Variants in CLUH observed in about 807,000 individuals in gnomAD.
CLUH encodes the protein CLUH binding protein of NUMT mRNA.
A neutral mutation model predicts 139.3 loss-of-function variants in CLUH; 77 were observed. The observed-to-expected ratio is 0.55, with a 90% CI of 0.46 to 0.67. The LOEUF is 0.67. CLUH is among the 30% of genes least tolerant of loss of function. The probability of loss-of-function intolerance (pLI) is 0.00; values close to 1 mark genes in which losing one functional copy is unlikely to be tolerated. For missense variants in CLUH, 1,876 were observed against 1,875.8 expected (o/e 1.00, Z 0.00); for synonymous variants, 999 against 801.6 (o/e 1.25, Z -4.16).
chr17:2,701,700 G>A lies in CLUH; in HGVS notation c.657C>T (p.Pro219=). ...TGTACTCGGGTGGTGTGCAGTCGATGGGGTCCATCTCCAAGCCCTTCTTCC... is the reference window on the plus strand; with the variant it reads ...TGTACTCGGGTGGTGTGCAGTCGATAGGGTCCATCTCCAAGCCCTTCTTCC... ...GKRKKGLEMD[P]IDCTPPEYIL... is the part of the protein sequence containing the mutation. The change falls in exon 5 of 26, where the codon CCC becomes CCT. Residue 219 remains proline, a synonymous_variant. Coordinates refer to ENST00000651024, the MANE Select transcript of CLUH (RefSeq NM_001366661.1). 2 of 1,587,716 alleles carry A rather than the reference G, an allele frequency of 1.3e-6. No homozygotes were observed. Among genetic ancestry groups the A allele is most frequent in the Non-Finnish European group, 1.7e-6 (2 of 1,167,074 alleles).
At chr17:2,691,522 C>A in intron 25 of CLUH, 87 bp downstream of exon 25, 1 of 1,359,500 alleles carries the variant, frequency 7.4e-7, no homozygotes, top group South Asian at 1.2e-5. Context: ...GATGGCGCCG[C>A]CGCACTCCAG....
chr17:2,692,229 C>T, intron 22 of CLUH, 132 bp from the exon 23 acceptor site: 1 of 1,444,354 alleles, frequency 6.9e-7, no homozygotes, highest in Non-Finnish European at 9.3e-7. Flanking sequence ...GTCCAGGGCT[C>T]AGGGAAGAGG....
chr17:2,707,559 G>T lies in CLUH; in HGVS notation c.101-2995C>A. ...GTCACTGCCGGCAAAGCCGCTAGGG[G>T]GATCGGAGAACCCAGAATTTGGGGT... On this transcript the variant is annotated intron_variant, in intron 1 of 25. Transcript: ENST00000651024. This position sits in a 1 kb window ranked among gnomAD's most constrained non-coding sequence, Gnocchi z 7.4. 1 of 985,408 alleles carries T rather than the reference G, an allele frequency of 1.0e-6. No individual in the cohort carries two copies. Among genetic ancestry groups the T allele is most frequent in the Middle Eastern group, 5.2e-4 (1 of 1,914 alleles). The allele number at this position is 985,408 out of a possible 1,614,324, so 61.0% of individuals were successfully genotyped here. A position where few individuals can be genotyped will look rare whatever the true frequency, so the allele number is the denominator to read the frequency against.
Position 2,698,030 on chromosome 17 carries a change from G to C in CLUH, c.1827C>G (p.Pro609=), listed in dbSNP as rs1197093270. 1 of 1,605,488 alleles carries C rather than the reference G, an allele frequency of 6.2e-7. No individual in the cohort carries two copies. Among genetic ancestry groups the C allele is most frequent in the East Asian group, 2.2e-5 (1 of 44,780 alleles). The part of the protein sequence containing the change: ...HYILDLLRTF[P]PDLNFLPVPG... The stretch of plus-strand genomic sequence containing the variant: ...GCACGGGCAGGAAGTTGAGGTCCGG[G>C]GGGAAGGTGCGCAGCAGGTCGAGGA... Residue 609 remains proline, a synonymous_variant, in exon 10 of 26, where the codon CCC becomes CCG. Transcript: ENST00000651024.
Position 2,700,523 on chromosome 17 carries a change from A to C in CLUH, c.1174-49T>G, listed in dbSNP as rs1462745226. On this transcript the variant is annotated intron_variant, in intron 8 of 25. Coordinates refer to ENST00000651024, the MANE Select transcript of CLUH (RefSeq NM_001366661.1). ...AAACGAGCTCAGCCTGTGCCCTGTG[A>C]CCTGCTCCCGGAAGTCGCTCCTTCT... is the stretch of plus-strand genomic sequence containing the variant. The C allele has an allele frequency of 7.0e-6, 11 of 1,581,498 alleles. No individual in the cohort carries two copies. In the Admixed American group the frequency reaches 1.6e-4, roughly 23 times the overall value.
In CLUH at chr17:2,690,634, G is replaced by C. The variant is rs1025464727; in HGVS notation, c.4007C>G (p.Pro1336Arg). The C allele has an allele frequency of 1.3e-6, 2 of 1,509,514 alleles. No individual in the cohort carries two copies. Among genetic ancestry groups the C allele is most frequent in the African/African-American group, 2.9e-5 (2 of 68,860 alleles). 93.5% of individuals were successfully genotyped at this position (1,509,514 alleles called of 1,614,324 possible). A position where few individuals can be genotyped will look rare whatever the true frequency, so the allele number is the denominator to read the frequency against. The change falls in exon 26 of 26, where the codon CCC (proline) becomes CGC (arginine). Residue 1336 changes from proline (P) to arginine (R), a missense_variant. By Grantham distance (103) the Pro-to-Arg change is moderately radical. Around this residue, in one of 3 missense-constraint regions of CLUH, gnomAD observed 1,454 missense variants for 1,384.4 expected, o/e 1.05. Transcript: ENST00000651024. ...CGGAGAAGGGTCCTTGGCAGCCGGG[G>C]GCTGGGAGCCCAGGTCTCCTGGGGC... Reference protein sequence around the residue: ...AGAPGDLGSQPPAAKDPSPSV... With the variant: ...AGAPGDLGSQRPAAKDPSPSV...
At position 2,702,705 on chromosome 17, in the gene CLUH, T is replaced by C. The variant is rs528001693; in HGVS notation, c.475+613A>G. Among the ~76,000 whole-genome samples, 14 of 152,256 alleles carry C rather than the reference T, an allele frequency of 9.2e-5. No homozygotes were observed. The South Asian group carries it at 2.3e-3, about 25-fold the overall frequency. On this transcript the variant is annotated intron_variant, in intron 3 of 25. Coordinates refer to ENST00000651024, the MANE Select transcript of CLUH (RefSeq NM_001366661.1). ...CTCCCCGTGCCCGACCTCCCCACTC[T>C]AGGGCTAGGAAACGTTTGGGACTTC...
intron 1 of CLUH, among the ~76,000 whole-genome samples, chr17:2,709,389 G>A (rs953150843): frequency 7.2e-5 from 11 of 152,152 alleles, no homozygotes; most frequent in African/African-American, 2.7e-4. Flanking sequence ...GTCCCACCCA[G>A]GCCAGAGGCA....
chr17:2,710,819 T>G (rs1168497291), intron 1 of CLUH, among the ~76,000 whole-genome samples: 1 of 152,144 alleles, frequency 6.6e-6, no homozygotes, highest in African/African-American at 2.4e-5. Flanking sequence ...AAACAGCAAC[T>G]CTGGTCTGAC....
At position 2,690,630 on chromosome 17, in the gene CLUH, C is replaced by T. The variant is rs757507562; in HGVS notation, c.4011G>A (p.Pro1337=). The change falls in exon 26 of 26, where the codon CCG becomes CCA. Residue 1337 remains proline, a synonymous_variant. Transcript: ENST00000651024. ...GAPGDLGSQP[P]AAKDPSPSVQ... ...CGCTCGGAGAAGGGTCCTTGGCAGC[C>T]GGGGGCTGGGAGCCCAGGTCTCCTG... The T allele has an allele frequency of 1.1e-4, 166 of 1,506,930 alleles. No homozygotes were observed. Among genetic ancestry groups the T allele is most frequent in the Non-Finnish European group, 1.4e-4 (161 of 1,134,280 alleles). 93.3% of individuals were successfully genotyped at this position (1,506,930 alleles called of 1,614,324 possible).
chr17:2,690,887 G>A (rs1298250508), intron 25 of CLUH, 110 bp from the exon 26 acceptor site: 4 of 844,634 alleles, frequency 4.7e-6, no homozygotes, highest in African/African-American at 3.5e-5. Flanking sequence ...TATTCAGTGG[G>A]GAATGTGTGT....
In CLUH at chr17:2,698,370, G is replaced by A. The variant is rs200119825; in HGVS notation, c.1487C>T (p.Thr496Met). 5.8e-5 allele frequency: 93 copies of A among 1,613,086 alleles called. No homozygotes were observed. Among genetic ancestry groups the A allele is most frequent in the Non-Finnish European group, 6.2e-5 (73 of 1,179,754 alleles). Residue 496 changes from threonine to methionine, a missense_variant, in exon 10 of 26, where the codon ACG becomes ATG. Transcript: ENST00000651024. ...CCCCTCCACGTCCACCGCGTTGTAC[G>A]TGCGGACGCCATTCAGGTCGTTGGT... ...APTNDLNGVR[T>M]YNAVDVEGLY...
chr17:2,690,792 G>T lies in CLUH; in HGVS notation c.3864-15C>A. 1 of 1,472,516 alleles carries T rather than the reference G, an allele frequency of 6.8e-7. No homozygotes were observed. The highest frequency in any genetic ancestry group is 8.9e-7 in the Non-Finnish European group (1 of 1,119,304). 91.2% of individuals were successfully genotyped at this position (1,472,516 alleles called of 1,614,324 possible). A position where few individuals can be genotyped will look rare whatever the true frequency, so the allele number is the denominator to read the frequency against. On this transcript the variant is annotated splice_polypyrimidine_tract_variant and intron_variant, in intron 25 of 25. Transcript: ENST00000651024. ...GGTCTTTTTGGCTGAGGATAAGGGT[G>T]GGGATGGAGGTGGCTCTCAGAGGAG...
chr17:2,696,589 GC>G, intron 11 of CLUH, 51 bp from the exon 12 acceptor site: 1 of 1,531,450 alleles, frequency 6.5e-7, no homozygotes, highest in South Asian at 1.2e-5. Flanking sequence ...CACCGGTGGA[GC>G]TGGGCTGCGC....
chr17:2,692,944 G>C, intron 19 of CLUH, 84 bp from the exon 20 acceptor site: 2 of 1,342,246 alleles, frequency 1.5e-6, no homozygotes, highest in Non-Finnish European at 2.0e-6. Flanking sequence ...AGCAGCCCAC[G>C]GTGCCGCTCT....
Position 2,700,666 on chromosome 17 carries a change from G to T in CLUH, c.1173+12C>A, listed in dbSNP as rs755028515. 2.0e-6 allele frequency: 3 copies of T among 1,518,806 alleles called. No homozygotes were observed. The highest frequency in any genetic ancestry group is 2.2e-5 in the Admixed American group (1 of 46,120). The allele number at this position is 1,518,806 out of a possible 1,614,324, so 94.1% of individuals were successfully genotyped here. A position where few individuals can be genotyped will look rare whatever the true frequency, so the allele number is the denominator to read the frequency against. On this transcript the variant is annotated intron_variant, in intron 8 of 25. Coordinates refer to ENST00000651024, the MANE Select transcript of CLUH (RefSeq NM_001366661.1). Reference sequence around the variant, plus strand: ...GGGGTGCCCAGCGAGGGCAGGGCCAGGTTGCAGGCACCTGTCCAGGAATGT... The same window carrying T: ...GGGGTGCCCAGCGAGGGCAGGGCCATGTTGCAGGCACCTGTCCAGGAATGT...
rs2070252995 is a variant in CLUH at position 2,703,537 on chromosome 17, G to T, written c.304-48C>A. The T allele has an allele frequency of 1.3e-6, 2 of 1,588,152 alleles. No individual in the cohort carries two copies. Among genetic ancestry groups the T allele is most frequent in the East Asian group, 2.2e-5 (1 of 44,486 alleles). On this transcript the variant is annotated intron_variant, in intron 2 of 25. Coordinates refer to ENST00000651024, the MANE Select transcript of CLUH (RefSeq NM_001366661.1). The surrounding 1 kb of genome is among the most constrained non-coding windows in gnomAD (Gnocchi z 4.2). ...ACCCCGGTGAGAGAGCACGTAGCGG[G>T]GAGAGAAGGCCCCAACCGCCCCGGT... is the stretch of plus-strand genomic sequence containing the variant.
Position 2,697,928 on chromosome 17 carries a change from G to A in CLUH, c.1929C>T (p.Arg643=). 1 of 1,536,334 alleles carries A rather than the reference G, an allele frequency of 6.5e-7. No individual in the cohort carries two copies. Among genetic ancestry groups the A allele is most frequent in the Non-Finnish European group, 8.7e-7 (1 of 1,143,870 alleles). Residue 643 remains arginine (R), a synonymous_variant, in exon 10 of 26, where the codon CGC becomes CGT. Coordinates refer to ENST00000651024, the MANE Select transcript of CLUH (RefSeq NM_001366661.1). ...CCACGAAGGCGTCCACCAGCTCCTG[G>A]CGCAGGCAGCAGAGCTTGTGCCGGT... The part of the protein sequence containing the change: ...RAHRHKLCCL[R]QELVDAFVEH...
Position 2,696,498 on chromosome 17 carries a change from C to A in CLUH, c.2226G>T (p.Lys742Asn). ...RSREVIRNAC[K>N]AVGSISSTAF... ...CGGTGCTGCTGATGGAGCCGACCGC[C>A]TTGCACGCGTTGCGGATCACCTCCC... Residue 742 changes from lysine (K) to asparagine (N), a missense_variant, in exon 12 of 26, where the codon AAG becomes AAT. Physicochemically the swap from Lys to Asn is moderately conservative, Grantham distance 94. Transcript: ENST00000651024. 1 of 1,590,358 alleles carries A rather than the reference C, an allele frequency of 6.3e-7. No individual in the cohort carries two copies. The highest frequency in any genetic ancestry group is 8.5e-7 in the Non-Finnish European group (1 of 1,170,822).
Sources: allele counts gnomAD v4.1 joint callset (sites outside exome capture counted in the v4.1 genomes callset), GRCh38; gene constraint gnomAD v4.1.1; regional missense constraint gnomAD v4.1.1; non-coding constraint Gnocchi (gnomAD v3.1); transcripts MANE v1.5; gene names NCBI Gene and HGNC (gene_info 2026-07-23, HGNC 2026-07-21).